The following ZBTB7C variants were observed in gnomAD, a reference collection of about 807,000 sequenced individuals.
ZBTB7C encodes zinc finger and BTB domain-containing protein 7C.
ZBTB7C carries 8 observed loss-of-function variants against 25.7 expected under a neutral mutation model. The ratio of observed to expected loss-of-function variants is 0.31; its 90% CI spans 0.18 to 0.56. The LOEUF (loss-of-function observed/expected upper bound fraction) is 0.56, where lower values mean the gene tolerates loss of function less well. Among genes scored for constraint, ZBTB7C ranks in the 20% least tolerant of loss-of-function variants. The pLI, the probability that ZBTB7C is intolerant of heterozygous loss-of-function variation, is 0.91. For missense variants in ZBTB7C, 824 were observed against 855.2 expected, an observed-to-expected ratio of 0.96 and a Z score of 0.46; for synonymous variants, 394 against 369.0, an observed-to-expected ratio of 1.07 and a Z score of -0.78.
intron 2 of ZBTB7C, among the ~76,000 whole-genome samples, chr18:48,320,696 G>A (rs1202419403): frequency 1.3e-5 from 2 of 152,234 alleles, no homozygotes; most frequent in African/African-American, 2.4e-5. Flanking sequence ...GGCACTTCCT[G>A]TCTCCTTCCC....
chr18:48,205,716 T>C lies in ZBTB7C; in HGVS notation c.-78-19721A>G, dbSNP rs536897055. Among the ~76,000 whole-genome samples the C allele has an allele frequency of 1.1e-4, 17 of 152,094 alleles. No individual in the cohort carries two copies. In the East Asian group the frequency reaches 3.3e-3, roughly 30 times the overall value. Reference sequence around the variant, plus strand: ...AATGGCTGAAATAAAACATCAAGTATTGGCGAGGATGTATAACAACTGGGA... The same window carrying C: ...AATGGCTGAAATAAAACATCAAGTACTGGCGAGGATGTATAACAACTGGGA... On this transcript the variant is annotated intron_variant, in intron 2 of 4. Transcript: ENST00000590800.
intron 3 of ZBTB7C, among the ~76,000 whole-genome samples, chr18:48,078,930 ATTTG>A (rs2037875470): frequency 6.6e-6 from 1 of 151,602 alleles, no homozygotes; most frequent in Admixed American, 6.5e-5. Flanking sequence ...ATATATCACA[ATTTG>A]TTCATTCATT....
intron 1 of ZBTB7C, among the ~76,000 whole-genome samples, chr18:48,379,919 A>G (rs997035337): frequency 2.0e-5 from 3 of 152,206 alleles, no homozygotes; most frequent in Non-Finnish European, 4.4e-5. Context: ...TTAAACAACA[A>G]TAAAACACTG....
At chr18:48,304,600 G>A (rs1160751299) in intron 2 of ZBTB7C, among the ~76,000 whole-genome samples, 3 of 152,156 alleles carry the variant, frequency 2.0e-5, no homozygotes, top group African/African-American at 4.8e-5. Context: ...GCTTGAACCC[G>A]GGCAGCGGAG....
intron 3 of ZBTB7C, among the ~76,000 whole-genome samples, chr18:48,071,437 A>G (rs2037537339): frequency 6.6e-6 from 1 of 152,238 alleles, no homozygotes; most frequent in Non-Finnish European, 1.5e-5. Flanking sequence ...CAAAACTACA[A>G]TGAAATACCA....
At chr18:48,318,684 C>T (rs1305669379) in intron 2 of ZBTB7C, among the ~76,000 whole-genome samples, 3 of 152,226 alleles carry the variant, frequency 2.0e-5, no homozygotes, top group Admixed American at 1.3e-4. Context: ...CGATTGTTCT[C>T]AACAGCATCT....
chr18:48,240,177 A>T (rs947060097), intron 2 of ZBTB7C, among the ~76,000 whole-genome samples: 3 of 152,070 alleles, frequency 2.0e-5, no homozygotes, highest in Non-Finnish European at 4.4e-5. Flanking sequence ...AAAAAATTTT[A>T]AATGAACAAA....
At chr18:48,087,012 T>C (rs1015582786) in intron 3 of ZBTB7C, among the ~76,000 whole-genome samples, 1 of 152,218 alleles carries the variant, frequency 6.6e-6, no homozygotes, top group Non-Finnish European at 1.5e-5. Flanking sequence ...TTCTGAGAAG[T>C]AACTATAATG....
chr18:48,244,379 C>A (rs1376279092), intron 2 of ZBTB7C, among the ~76,000 whole-genome samples: 1 of 152,092 alleles, frequency 6.6e-6, no homozygotes, highest in Non-Finnish European at 1.5e-5. Context: ...TGCGCCACTG[C>A]ACTCCAGCCT....
chr18:48,255,826 T>C (rs59164728), intron 2 of ZBTB7C, among the ~76,000 whole-genome samples: 31,208 of 152,132 alleles, frequency 0.21, 3,536 homozygotes, highest in Admixed American at 0.27. Context: ...ATTTTGTCTT[T>C]TTCAGATGAA....
intron 2 of ZBTB7C, among the ~76,000 whole-genome samples, chr18:48,237,542 G>A (rs937799937): frequency 6.6e-6 from 1 of 152,080 alleles, no homozygotes; most frequent in Non-Finnish European, 1.5e-5. Context: ...CATCAGAATG[G>A]CAAAAATTGA....
intron 1 of ZBTB7C, among the ~76,000 whole-genome samples, chr18:48,398,088 G>A (rs2145297467): frequency 6.6e-6 from 1 of 152,318 alleles, no homozygotes; most frequent in African/African-American, 2.4e-5. Context: ...AGCATCCTGA[G>A]CCCCTGAAAG....
intron 2 of ZBTB7C, among the ~76,000 whole-genome samples, chr18:48,295,904 T>A (rs1471738902): frequency 1.3e-5 from 2 of 152,084 alleles, no homozygotes; most frequent in East Asian, 3.9e-4. Context: ...CAAAGACATA[T>A]CTTCCAAGTA....
chr18:48,261,123 G>A (rs11873801), intron 2 of ZBTB7C, among the ~76,000 whole-genome samples: 9,524 of 152,270 alleles, frequency 0.063, 515 homozygotes, highest in East Asian at 0.19. Flanking sequence ...GGCAACAGCG[G>A]AATGTTTTAA....
At chr18:48,354,563 C>T (rs184323791) in intron 1 of ZBTB7C, among the ~76,000 whole-genome samples, 4 of 152,256 alleles carry the variant, frequency 2.6e-5, no homozygotes, top group Admixed American at 2.6e-4. Flanking sequence ...CCTTAAGGGG[C>T]ATCAAGGTAA....
At chr18:48,373,095 C>T (rs897202383) in intron 1 of ZBTB7C, among the ~76,000 whole-genome samples, 2 of 152,182 alleles carry the variant, frequency 1.3e-5, no homozygotes, top group African/African-American at 2.4e-5. Context: ...CTCTTTATCT[C>T]CCCAGATCCC....
At chr18:48,343,738 T>C (rs1305898461) in intron 1 of ZBTB7C, among the ~76,000 whole-genome samples, 1 of 152,188 alleles carries the variant, frequency 6.6e-6, no homozygotes, top group Non-Finnish European at 1.5e-5. Context: ...GGCTCCCAGT[T>C]TTCAATCTGC....
chr18:48,029,231 C>G lies in ZBTB7C; in HGVS notation c.*29G>C, dbSNP rs1309967043. On this transcript the variant is annotated 3_prime_UTR_variant, in exon 5 of 5. Transcript: ENST00000590800. The stretch of plus-strand genomic sequence containing the variant: ...GCCTGGAGGGAGAAGGACTGGAGGG[C>G]TGGTGGGCTGGAGCCGACAGGGACC... The G allele has an allele frequency of 2.0e-6, 3 of 1,521,790 alleles. No homozygotes were observed. Among genetic ancestry groups the G allele is most frequent in the Admixed American group, 4.3e-5 (2 of 46,684 alleles). 94.3% of individuals were successfully genotyped at this position (1,521,790 alleles called of 1,614,324 possible).
chr18:48,384,030 G>T (rs9967290), intron 1 of ZBTB7C, among the ~76,000 whole-genome samples: 24,705 of 152,220 alleles, frequency 0.16, 2,566 homozygotes, highest in African/African-American at 0.28. Flanking sequence ...GTGAAATCAG[G>T]AGCCTGAACT....
Sources: gnomAD v4.1 joint callset for allele counts (sites outside exome capture counted in the v4.1 genomes callset) on GRCh38, gnomAD v4.1.1 for gene constraint, MANE v1.5 for transcripts, NCBI Gene and HGNC (gene_info 2026-07-23, HGNC 2026-07-21) for gene names.